Variants in RAN observed in about 807,000 individuals in gnomAD.
The protein encoded by RAN is GTP-binding nuclear protein Ran.
A neutral mutation model predicts 26.8 loss-of-function variants in RAN; 2 were observed. That is an observed-to-expected ratio of 0.07 (90% CI 0.03 to 0.23). The LOEUF (loss-of-function observed/expected upper bound fraction) is 0.23. Ranked by LOEUF, RAN falls within the 10% of genes least tolerant of loss-of-function variation. RAN has a pLI of 1.00. For missense variants in RAN, 56 were observed against 264.8 expected (o/e 0.21, Z 5.47); for synonymous variants, 132 against 95.9 (o/e 1.38, Z -2.20).
intron 1 of RAN, 82 bp from the exon 2 acceptor site, chr12:130,872,502 T>TGG (rs958314622): frequency 9.2e-7 from 1 of 1,084,520 alleles, no homozygotes. Flanking sequence ...GGCGGGCACG[T>TGG]GGGGCGCTGG....
chr12:130,873,903 G>T, intron 4 of RAN: 3 of 186,648 alleles, frequency 1.6e-5, no homozygotes, highest in South Asian at 1.5e-4. Flanking sequence ...ACAGGGTTTC[G>T]CTCTGTTGCC....
At chr12:130,874,498 A>C (rs750403682) in intron 4 of RAN, 48 bp from the exon 5 acceptor site, 4 of 1,423,936 alleles carry the variant, frequency 2.8e-6, no homozygotes, top group Non-Finnish European at 2.9e-6. Context: ...AGCATTCTTC[A>C]CTTGTGCAGT....
At chr12:130,875,532 T>G in intron 5 of RAN, 80 bp from the exon 6 acceptor site, 1 of 1,304,364 alleles carries the variant, frequency 7.7e-7, no homozygotes. Context: ...TCTTAACATT[T>G]TCTTATCTTG....
rs73461299 is a variant in RAN, at chr12:130,875,815, G to A, written c.606+33G>A. 1.2e-5 allele frequency: 19 copies of A among 1,613,828 alleles called. No homozygotes were observed. In the South Asian group the frequency reaches 1.9e-4, roughly 16 times the overall value. ...GGCCACTTTGCTGTTCAGATTGTTC[G>A]GTTTGGCTTGTTTATTCCTGGCAGT... On this transcript the variant is annotated intron_variant, in intron 6 of 6. Coordinates refer to ENST00000543796, the MANE Select transcript of RAN (RefSeq NM_006325.5).
chr12:130,875,809 T>G lies in RAN; in HGVS notation c.606+27T>G, dbSNP rs145864872. The G allele has an allele frequency of 4.9e-5, 79 of 1,614,136 alleles. 1 individual carries two copies. In the African/African-American group the frequency reaches 9.3e-4, roughly 19 times the overall value. On this transcript the variant is annotated intron_variant, in intron 6 of 6. Coordinates refer to ENST00000543796, the MANE Select transcript of RAN (RefSeq NM_006325.5). ...TATTGTGGCCACTTTGCTGTTCAGA[T>G]TGTTCGGTTTGGCTTGTTTATTCCT...
intron 1 of RAN, 28 bp from the exon 2 acceptor site, chr12:130,872,556 C>G: frequency 7.0e-7 from 1 of 1,437,000 alleles, no homozygotes; most frequent in Non-Finnish European, 9.1e-7. Flanking sequence ...GCCGCGCGAG[C>G]GCTCGCCTCC....
At position 130,876,077 on chromosome 12, in the gene RAN, C is replaced by T. The variant is rs915295701; in HGVS notation, c.*151C>T. 4 of 778,164 alleles carry T rather than the reference C, an allele frequency of 5.1e-6. No individual in the cohort carries two copies. Among genetic ancestry groups the T allele is most frequent in the Middle Eastern group, 3.7e-4 (1 of 2,670 alleles). 48.2% of individuals were successfully genotyped at this position (778,164 alleles called of 1,614,324 possible). A position where few individuals can be genotyped will look rare whatever the true frequency, so the allele number is the denominator to read the frequency against. The stretch of plus-strand genomic sequence containing the variant: ...GATGCTGAAGGAGATGAGTGGGCTT[C>T]GGAGTGAATGTGGCAGTTTAAAAAA... On this transcript the variant is annotated 3_prime_UTR_variant, in exon 7 of 7. Transcript: ENST00000543796.
rs1297261678 is a variant in RAN, at chr12:130,876,383, T to C, written c.*457T>C. On this transcript the variant is annotated 3_prime_UTR_variant, in exon 7 of 7. Coordinates refer to ENST00000543796, the MANE Select transcript of RAN (RefSeq NM_006325.5). The stretch of plus-strand genomic sequence containing the variant: ...TTTGAATTGCCTTGCTTTTATCACT[T>C]AATTTGAAATCTATTGGGTTAATTT... 1 of 167,962 alleles carries C rather than the reference T, an allele frequency of 6.0e-6. No individual in the cohort carries two copies. Among genetic ancestry groups the C allele is most frequent in the Non-Finnish European group, 1.3e-5 (1 of 77,830 alleles). The allele number at this position is 167,962 out of a possible 1,614,324, so 10.4% of individuals were successfully genotyped here.
intron 2 of RAN, 69 bp from the exon 3 acceptor site, chr12:130,872,767 G>A: frequency 6.3e-7 from 1 of 1,595,840 alleles, no homozygotes; most frequent in Non-Finnish European, 8.6e-7. Context: ...GGTGGTTAAA[G>A]TTCCGTGACT....
chr12:130,872,470 C>G (rs1252362013), intron 1 of RAN, 114 bp from the exon 2 acceptor site: 4 of 654,168 alleles, frequency 6.1e-6, no homozygotes, highest in East Asian at 5.2e-5. Flanking sequence ...GCCATGGCGC[C>G]GCGGGCGGGA....
intron 6 of RAN, 26 bp downstream of exon 6, chr12:130,875,808 A>G (rs1953228263): frequency 1.9e-6 from 3 of 1,614,032 alleles, no homozygotes; most frequent in South Asian, 1.1e-5. Context: ...TGCTGTTCAG[A>G]TTGTTCGGTT....
chr12:130,873,411 T>G, intron 4 of RAN: 1 of 340,034 alleles, frequency 2.9e-6, no homozygotes, highest in Non-Finnish European at 5.5e-6. Flanking sequence ...TTAACAGCAG[T>G]TTCAGTATTT....
chr12:130,872,415 C>A lies in RAN; in HGVS notation c.-10-169C>A, dbSNP rs1417893261. On this transcript the variant is annotated intron_variant, in intron 1 of 6. Coordinates refer to ENST00000543796, the MANE Select transcript of RAN (RefSeq NM_006325.5). Reference sequence around the variant, plus strand: ...CGCCGTTCCCCGGGCCCCGCCGCCCCGGATGCCGGCCCCGCCCGCCGCCTT... The same window carrying A: ...CGCCGTTCCCCGGGCCCCGCCGCCCAGGATGCCGGCCCCGCCCGCCGCCTT... 3.1e-5 allele frequency: 6 copies of A among 194,916 alleles called. No homozygotes were observed. In the South Asian group the frequency reaches 7.0e-4, roughly 23 times the overall value. The allele number at this position is 194,916 out of a possible 1,614,324, so 12.1% of individuals were successfully genotyped here. A position where few individuals can be genotyped will look rare whatever the true frequency, so the allele number is the denominator to read the frequency against.
At chr12:130,872,435 C>A in intron 1 of RAN, 149 bp from the exon 2 acceptor site, 2 of 286,482 alleles carry the variant, frequency 7.0e-6, no homozygotes, top group South Asian at 1.4e-4. Context: ...CCCCGCCCGC[C>A]GCCTTCCCGC....
intron 1 of RAN, 115 bp from the exon 2 acceptor site, chr12:130,872,469 C>T (rs999855363): frequency 1.1e-5 from 7 of 647,906 alleles, no homozygotes; most frequent in Non-Finnish European, 1.4e-5. Context: ...CGCCATGGCG[C>T]CGCGGGCGGG....
Position 130,876,074 on chromosome 12 carries a change from C to T in RAN, c.*148C>T. Reference sequence around the variant, plus strand: ...TGGGATGCTGAAGGAGATGAGTGGGCTTCGGAGTGAATGTGGCAGTTTAAA... The same window carrying T: ...TGGGATGCTGAAGGAGATGAGTGGGTTTCGGAGTGAATGTGGCAGTTTAAA... On this transcript the variant is annotated 3_prime_UTR_variant, in exon 7 of 7. Transcript: ENST00000543796. 1.3e-6 allele frequency: 1 copy of T among 794,258 alleles called. No homozygotes were observed. The highest frequency in any genetic ancestry group is 2.0e-6 in the Non-Finnish European group (1 of 495,072). The allele number at this position is 794,258 out of a possible 1,614,324, so 49.2% of individuals were successfully genotyped here.
chr12:130,873,641 G>A (rs930879059), intron 4 of RAN: 1 of 160,818 alleles, frequency 6.2e-6, no homozygotes, highest in African/African-American at 2.4e-5. Flanking sequence ...AATGTTCATT[G>A]TACCAAAAAG....
chr12:130,872,143 G>A lies in RAN; in HGVS notation c.-11+17G>A, dbSNP rs768147630. The A allele has an allele frequency of 4.6e-5, 10 of 218,714 alleles. No individual in the cohort carries two copies. The highest frequency in any genetic ancestry group is 4.3e-4 in the South Asian group (10 of 23,516). The allele number at this position is 218,714 out of a possible 1,614,324, so 13.5% of individuals were successfully genotyped here. On this transcript the variant is annotated intron_variant, in intron 1 of 6. Coordinates refer to ENST00000543796, the MANE Select transcript of RAN (RefSeq NM_006325.5). The stretch of plus-strand genomic sequence containing the variant: ...TTCTGGAAGGTATCGCGACCCGGCG[G>A]GCCCGGCACGGCCGGGCGGGGACAG...
At chr12:130,874,991 G>T (rs1318927754) in intron 5 of RAN, among the ~76,000 whole-genome samples, 1 of 151,944 alleles carries the variant, frequency 6.6e-6, no homozygotes, top group African/African-American at 2.4e-5. Flanking sequence ...GCTAATTTTT[G>T]TACTTTTTTT....
Sources: gnomAD v4.1 joint callset for allele counts (sites outside exome capture counted in the v4.1 genomes callset) on GRCh38, gnomAD v4.1.1 for gene constraint, MANE v1.5 for transcripts, NCBI Gene and HGNC (gene_info 2026-07-23, HGNC 2026-07-21) for gene names.